Variants in CTNNA1 observed in about 807,000 individuals in gnomAD.
CTNNA1 encodes the protein catenin alpha 1, also known as catenin alpha-1.
CTNNA1 carries 37 observed loss-of-function variants against 98.4 expected under a neutral mutation model. The observed-to-expected ratio is 0.38, with a 90% CI of 0.29 to 0.49. The LOEUF (loss-of-function observed/expected upper bound fraction) is 0.49. Ranked by LOEUF, CTNNA1 falls within the 20% of genes least tolerant of loss-of-function variation. CTNNA1 has a pLI of 0.95. For synonymous variants in CTNNA1, 404 were observed against 413.2 expected, an observed-to-expected ratio of 0.98 and a Z score of 0.27; for missense variants, 761 against 1,147.2, an observed-to-expected ratio of 0.66 and a Z score of 4.86.
chr5:138,785,873 C>T (rs1755647936), intron 3 of CTNNA1, among the ~76,000 whole-genome samples: 1 of 152,222 alleles, frequency 6.6e-6, no homozygotes, highest in South Asian at 2.1e-4. Context: ...GGATTACAGG[C>T]ATGAGCCAGT....
intron 14 of CTNNA1, 145 bp from the exon 15 acceptor site, chr5:138,930,328 G>T (rs1765037922): frequency 3.1e-6 from 2 of 638,212 alleles, no homozygotes; most frequent in Admixed American, 6.6e-5. Flanking sequence ...AAAAATGAGA[G>T]AAATAGCCCT....
Position 138,919,470 on chromosome 5 carries a change from A to G in CTNNA1, c.1546+1572A>G, listed in dbSNP as rs545600235. Among the ~76,000 whole-genome samples, 14 of 152,370 alleles carry G rather than the reference A, an allele frequency of 9.2e-5. No homozygotes were observed. In the South Asian group the frequency reaches 2.9e-3, roughly 32 times the overall value. On this transcript the variant is annotated intron_variant, in intron 11 of 17. Transcript: ENST00000302763. ...CATGCACCATTCGTCAAATCAGTGA[A>G]GAAAAGGGATTCTGCAGCAGCATTT...
intron 1 of CTNNA1, among the ~76,000 whole-genome samples, chr5:138,761,557 G>C (rs1016997476): frequency 6.6e-6 from 1 of 152,054 alleles, no homozygotes; most frequent in Non-Finnish European, 1.5e-5. Flanking sequence ...ATTGGTATAC[G>C]AGAGAGTGAA....
chr5:138,891,558 C>T (rs574765340), intron 9 of CTNNA1, among the ~76,000 whole-genome samples: 74 of 152,214 alleles, frequency 4.9e-4, no homozygotes, highest in Non-Finnish European at 7.9e-4. Flanking sequence ...GTCAGGAGTT[C>T]GAGACCAGCC....
chr5:138,876,092 A>G lies in CTNNA1; in HGVS notation c.1063-10120A>G, dbSNP rs191225190. ...GAGGACAAGGCAGGTTGATACAGTCATTTTAATGCACATGCCCTAACAGCA... is the reference window on the plus strand; with the variant it reads ...GAGGACAAGGCAGGTTGATACAGTCGTTTTAATGCACATGCCCTAACAGCA... On this transcript the variant is annotated intron_variant, in intron 7 of 17. Transcript: ENST00000302763. 1.1e-4 allele frequency among the ~76,000 whole-genome samples: 16 copies of G among 152,342 alleles called. 1 individual carries two copies. In the East Asian group the frequency reaches 2.3e-3, roughly 22 times the overall value.
At chr5:138,932,891 T>A in intron 17 of CTNNA1, 179 bp downstream of exon 17, 1 of 848,918 alleles carries the variant, frequency 1.2e-6, no homozygotes, top group Non-Finnish European at 2.0e-6. Context: ...CCTGTAGAAC[T>A]GTGACACCTG....
At chr5:138,900,224 G>T (rs1418988719) in intron 9 of CTNNA1, among the ~76,000 whole-genome samples, 1 of 152,146 alleles carries the variant, frequency 6.6e-6, no homozygotes, top group Non-Finnish European at 1.5e-5. Context: ...GAAAACTCGG[G>T]TGCTAGCTTG....
At chr5:138,860,321 T>C (rs1764143245) in intron 7 of CTNNA1, among the ~76,000 whole-genome samples, 1 of 152,160 alleles carries the variant, frequency 6.6e-6, no homozygotes, top group Non-Finnish European at 1.5e-5. Context: ...TCAACACACA[T>C]CTAATTCAAA....
At chr5:138,792,206 G>T (rs1170476946) in intron 3 of CTNNA1, among the ~76,000 whole-genome samples, 1 of 152,142 alleles carries the variant, frequency 6.6e-6, no homozygotes. Context: ...ACATGTATGT[G>T]TATGTGTATA....
At chr5:138,779,916 A>G (rs947365234) in intron 1 of CTNNA1, among the ~76,000 whole-genome samples, 3 of 151,542 alleles carry the variant, frequency 2.0e-5, no homozygotes, top group Admixed American at 6.6e-5. Context: ...GGGTTTCACT[A>G]TGTTGGCCAG....
intron 7 of CTNNA1, among the ~76,000 whole-genome samples, chr5:138,864,140 T>C (rs1764530108): frequency 6.6e-6 from 1 of 152,210 alleles, no homozygotes; most frequent in South Asian, 2.1e-4. Context: ...GTATTTTTAG[T>C]AGAGACAGGG....
chr5:138,844,707 A>T (rs528876949), intron 7 of CTNNA1, among the ~76,000 whole-genome samples: 2 of 152,208 alleles, frequency 1.3e-5, no homozygotes, highest in Non-Finnish European at 1.5e-5. Context: ...AATGCTAGTA[A>T]TGGAGATTTT....
At chr5:138,753,613 G>T in intron 1 of CTNNA1, 103 bp downstream of exon 1, 1 of 343,036 alleles carries the variant, frequency 2.9e-6, no homozygotes, top group Admixed American at 4.9e-5. Flanking sequence ...CCGCGGGCGG[G>T]CGAGCGGGCG....
chr5:138,847,307 C>T (rs990350581), intron 7 of CTNNA1, among the ~76,000 whole-genome samples: 2 of 152,082 alleles, frequency 1.3e-5, no homozygotes, highest in African/African-American at 4.8e-5. Flanking sequence ...TAGTCCCTCC[C>T]TCCCTGTCTC....
chr5:138,786,606 G>T (rs138091049), intron 3 of CTNNA1, among the ~76,000 whole-genome samples: 2 of 152,294 alleles, frequency 1.3e-5, no homozygotes, highest in East Asian at 3.9e-4. Flanking sequence ...AAATGGGGCC[G>T]TATCCACTCC....
chr5:138,875,191 C>G (rs1751220523), intron 7 of CTNNA1: 1 of 353,442 alleles, frequency 2.8e-6, no homozygotes, highest in Non-Finnish European at 5.0e-6. Context: ...GCTGGTTAAT[C>G]AAAGCTTCAG....
chr5:138,857,274 A>G (rs1326477136), intron 7 of CTNNA1, among the ~76,000 whole-genome samples: 1 of 152,110 alleles, frequency 6.6e-6, no homozygotes, highest in Non-Finnish European at 1.5e-5. Flanking sequence ...TGCTCTTGTC[A>G]ACCATGTTAA....
At chr5:138,759,162 A>G (rs1752041165) in intron 1 of CTNNA1, among the ~76,000 whole-genome samples, 2 of 152,044 alleles carry the variant, frequency 1.3e-5, no homozygotes, top group Admixed American at 1.3e-4. Context: ...ACTTTCCTGT[A>G]TCTTTGTATG....
chr5:138,932,830 T>TC (rs1448009983), intron 17 of CTNNA1, 118 bp downstream of exon 17: 4 of 1,296,656 alleles, frequency 3.1e-6, no homozygotes, highest in Non-Finnish European at 3.3e-6. Context: ...GTGCAGAAAC[T>TC]CCAAGTCCTG....
Sources: allele counts gnomAD v4.1 joint callset (sites outside exome capture counted in the v4.1 genomes callset), GRCh38; gene constraint gnomAD v4.1.1; transcripts MANE v1.5; gene names NCBI Gene and HGNC (gene_info 2026-07-23, HGNC 2026-07-21).